The following KCNQ1 variants were observed in gnomAD, a reference collection of about 807,000 sequenced individuals.
KCNQ1 encodes the protein potassium voltage-gated channel subfamily KQT member 1.
In KCNQ1, 49 loss-of-function variants were observed where a neutral mutation model predicts 72.4. The observed-to-expected ratio is 0.68, with a 90% CI of 0.54 to 0.86. The LOEUF is 0.86. Ranked by LOEUF, KCNQ1 falls within the 40% of genes least tolerant of loss-of-function variation. KCNQ1 has a pLI of 0.00. For synonymous variants in KCNQ1, 450 were observed against 412.6 expected (o/e 1.09, Z -1.10); for missense variants, 790 against 945.1 (o/e 0.84, Z 2.15).
chr11:2,510,749 A>C (rs1847186619), intron 1 of KCNQ1, among the ~76,000 whole-genome samples: 1 of 152,122 alleles, frequency 6.6e-6, no homozygotes, highest in Non-Finnish European at 1.5e-5. Context: ...TTAGCAGCAG[A>C]TTCTAGGCCA....
chr11:2,693,743 C>G lies in KCNQ1; in HGVS notation c.1514+31662C>G, dbSNP rs190171684. The G allele has an allele frequency of 1.2e-3, 478 of 398,726 alleles. 3 individuals carry two copies. The highest frequency in any genetic ancestry group is 9.1e-3 in the African/African-American group (446 of 48,762). The allele number at this position is 398,726 out of a possible 1,614,324, so 24.7% of individuals were successfully genotyped here. On this transcript the variant is annotated intron_variant, in intron 11 of 15. Coordinates refer to ENST00000155840, the MANE Select transcript of KCNQ1 (RefSeq NM_000218.3). Reference sequence around the variant, plus strand: ...GGTGTGACTGGAACCCTGGGTTATACAGGCTCCTGCCAGTAACCTGGACAT... The same window carrying G: ...GGTGTGACTGGAACCCTGGGTTATAGAGGCTCCTGCCAGTAACCTGGACAT...
rs1846543956 is a variant in KCNQ1, at chr11:2,768,919, G to C, written c.1590G>C (p.Gln530His). The change falls in exon 12 of 16, where the codon CAG (glutamine) becomes CAC (histidine). Residue 530 changes from glutamine (Q) to histidine (H), a missense_variant and splice_region_variant. By Grantham distance (24) the Gln-to-His change is conservative. Transcript: ENST00000155840. The surrounding 1 kb of genome is among the most constrained non-coding windows in gnomAD (Gnocchi z 6.7). Reference sequence around the variant, plus strand: ...ACTTTGTGGCCAAGAAGAAATTCCAGGTAAGCCCTGTGCTGAGCCTTCCTG... The same window carrying C: ...ACTTTGTGGCCAAGAAGAAATTCCACGTAAGCCCTGTGCTGAGCCTTCCTG... ...MQYFVAKKKF[Q>H]QARKPYDVRD... 1.2e-6 allele frequency: 2 copies of C among 1,612,984 alleles called. No homozygotes were observed. The highest frequency in any genetic ancestry group is 2.7e-5 in the African/African-American group (2 of 74,862).
rs1849818159 is a variant in KCNQ1, at chr11:2,654,932, CAGG to C, written c.1394-7026_1394-7024del. On this transcript the variant is annotated intron_variant, in intron 10 of 15. Coordinates refer to ENST00000155840, the MANE Select transcript of KCNQ1 (RefSeq NM_000218.3). This position sits in a 1 kb window ranked among gnomAD's most constrained non-coding sequence, Gnocchi z 6.4. The stretch of plus-strand genomic sequence containing the variant: ...TGGGCCAGAGAGCAAGGCACAGATA[CAGG>C]AGACTTCCACAAATTATTGTTTCTT... 1 of 398,446 alleles carries C rather than the reference CAGG, an allele frequency of 2.5e-6. No individual in the cohort carries two copies. The highest frequency in any genetic ancestry group is 2.1e-5 in the African/African-American group (1 of 48,590). 24.7% of individuals were successfully genotyped at this position (398,446 alleles called of 1,614,324 possible).
rs779383393 is a variant in KCNQ1 at position 2,585,230 on chromosome 11, T to C, written c.1051T>C (p.Phe351Leu). The change falls in exon 8 of 16, where the codon TTT becomes CTT. Residue 351 changes from phenylalanine (F) to leucine (L), a missense_variant. Phe to Leu is a conservative substitution (Grantham distance 22, BLOSUM62 0). Transcript: ENST00000155840. Reference protein sequence around the residue: ...ALPAGILGSGFALKVQQKQRQ... With the variant: ...ALPAGILGSGLALKVQQKQRQ... ...TTCCCAGGGGATTCTTGGCTCGGGGTTTGCCCTGAAGGTGCAGCAGAAGCA... is the reference window on the plus strand; with the variant it reads ...TTCCCAGGGGATTCTTGGCTCGGGGCTTGCCCTGAAGGTGCAGCAGAAGCA... 1.2e-6 allele frequency: 2 copies of C among 1,613,930 alleles called. No individual in the cohort carries two copies. The highest frequency in any genetic ancestry group is 2.2e-5 in the South Asian group (2 of 91,078).
rs151119117 is a variant in KCNQ1, at chr11:2,792,462, C to T, written c.1794+14425C>T. Among the ~76,000 whole-genome samples the T allele has an allele frequency of 5.2e-4, 79 of 152,272 alleles. No homozygotes were observed. The East Asian group carries it at 0.014, about 27-fold the overall frequency. ...GAAAGCGCCAGGTGGATAGGAGGGA[C>T]GGGGCCGTGACCCCTCCCTCTGCCC... On this transcript the variant is annotated intron_variant, in intron 15 of 15. Coordinates refer to ENST00000155840, the MANE Select transcript of KCNQ1 (RefSeq NM_000218.3).
chr11:2,738,157 G>A (rs529111018), intron 11 of KCNQ1, among the ~76,000 whole-genome samples: 1 of 152,244 alleles, frequency 6.6e-6, no homozygotes, highest in East Asian at 1.9e-4. Flanking sequence ...ATGGTGGGGA[G>A]GGAGGAGAGA....
intron 8 of KCNQ1, 63 bp downstream of exon 8, chr11:2,585,370 C>T (rs780123193): frequency 1.3e-5 from 18 of 1,411,494 alleles, no homozygotes; most frequent in Non-Finnish European, 1.8e-5. Context: ...GCATCCAGCC[C>T]TCACGGCCAC....
intron 1 of KCNQ1, among the ~76,000 whole-genome samples, chr11:2,480,652 T>G (rs114226912): frequency 8.8e-4 from 134 of 152,292 alleles, no homozygotes; most frequent in African/African-American, 3.2e-3. Flanking sequence ...CAGAGTTGAA[T>G]CCTGTCTGGG....
intron 11 of KCNQ1, chr11:2,684,659 T>C: frequency 2.5e-6 from 1 of 398,642 alleles, no homozygotes; most frequent in Non-Finnish European, 4.4e-6. Context: ...AAGAAAGGCT[T>C]GTTGGATGTG....
At position 2,652,748 on chromosome 11, in the gene KCNQ1, GCT is replaced by G. The variant is rs535148092; in HGVS notation, c.1394-9210_1394-9209del. 7 of 398,798 alleles carry G rather than the reference GCT, an allele frequency of 1.8e-5. No individual in the cohort carries two copies. The highest frequency in any genetic ancestry group is 4.4e-5 in the Admixed American group (1 of 22,716). 24.7% of individuals were successfully genotyped at this position (398,798 alleles called of 1,614,324 possible). Reference sequence around the variant, plus strand: ...CACGCTCAGGGTTGACCCTGTCCTGGCTCTGTCACTGCCTGTCTTCCTCAGCG... The same window carrying G: ...CACGCTCAGGGTTGACCCTGTCCTGGCTGTCACTGCCTGTCTTCCTCAGCG... On this transcript the variant is annotated intron_variant, in intron 10 of 15. Transcript: ENST00000155840. The surrounding 1 kb of genome is among the most constrained non-coding windows in gnomAD (Gnocchi z 5.9).
intron 11 of KCNQ1, among the ~76,000 whole-genome samples, chr11:2,753,332 G>A (rs185124291): frequency 2.0e-5 from 3 of 152,282 alleles, no homozygotes; most frequent in East Asian, 1.9e-4. Context: ...AGAGGCCTCC[G>A]TGTCTGCCCA....
intron 10 of KCNQ1, chr11:2,619,916 T>C: frequency 2.5e-6 from 1 of 398,394 alleles, no homozygotes; most frequent in Non-Finnish European, 4.4e-6. Context: ...GCATGGTATA[T>C]GGAGTATACT....
intron 1 of KCNQ1, among the ~76,000 whole-genome samples, chr11:2,453,144 C>G (rs945006152): frequency 6.6e-6 from 1 of 152,222 alleles, no homozygotes; most frequent in South Asian, 2.1e-4. Flanking sequence ...GAGGCCAAGG[C>G]GGGCGGATCA....
chr11:2,659,088 G>T lies in KCNQ1; in HGVS notation c.1394-2873G>T. 2.5e-6 allele frequency: 1 copy of T among 398,552 alleles called. No individual in the cohort carries two copies. Among genetic ancestry groups the T allele is most frequent in the African/African-American group, 2.1e-5 (1 of 48,722 alleles). The allele number at this position is 398,552 out of a possible 1,614,324, so 24.7% of individuals were successfully genotyped here. A position where few individuals can be genotyped will look rare whatever the true frequency, so the allele number is the denominator to read the frequency against. ...TCATCATAGTCTGCTTTTCATCGTA[G>T]GGTCCTCCAACATCCGGGTTAATTT... On this transcript the variant is annotated intron_variant, in intron 10 of 15. Transcript: ENST00000155840. This position sits in a 1 kb window ranked among gnomAD's most constrained non-coding sequence, Gnocchi z 4.3.
At chr11:2,795,601 G>A (rs919617301) in intron 15 of KCNQ1, among the ~76,000 whole-genome samples, 1 of 152,180 alleles carries the variant, frequency 6.6e-6, no homozygotes, top group Non-Finnish European at 1.5e-5. Flanking sequence ...GGGCTCACCT[G>A]GGGTTTGGCC....
intron 3 of KCNQ1, 149 bp downstream of exon 3, chr11:2,570,903 C>T: frequency 3.7e-6 from 4 of 1,084,704 alleles, no homozygotes; most frequent in Admixed American, 3.9e-5. Context: ...AGCACAGGAG[C>T]ATTGGCAGCC....
At chr11:2,476,434 A>G (rs952219081) in intron 1 of KCNQ1, among the ~76,000 whole-genome samples, 3 of 152,240 alleles carry the variant, frequency 2.0e-5, no homozygotes, top group Non-Finnish European at 2.9e-5. Flanking sequence ...ATTTATAGCT[A>G]CAGGCATTTT....
At position 2,495,734 on chromosome 11, in the gene KCNQ1, G is replaced by C. The variant is rs1269320161; in HGVS notation, c.387-32194G>C. ...TTATGATTTCCATTCTTTGGCATTT[G>C]CTGAGGAGTGTTTTACTTCCAGTTA... is the stretch of plus-strand genomic sequence containing the variant. On this transcript the variant is annotated intron_variant, in intron 1 of 15. Coordinates refer to ENST00000155840, the MANE Select transcript of KCNQ1 (RefSeq NM_000218.3). The surrounding 1 kb of genome is among the most constrained non-coding windows in gnomAD (Gnocchi z 4.6). 6.6e-6 allele frequency among the ~76,000 whole-genome samples: 1 copy of C among 152,168 alleles called. No homozygotes were observed. Among genetic ancestry groups the C allele is most frequent in the Admixed American group, 6.5e-5 (1 of 15,280 alleles).
In KCNQ1 at chr11:2,724,109, A is replaced by G. The variant is rs549176083; in HGVS notation, c.1515-44735A>G. 6.6e-6 allele frequency among the ~76,000 whole-genome samples: 1 copy of G among 152,200 alleles called. No homozygotes were observed. Among genetic ancestry groups the G allele is most frequent in the East Asian group, 1.9e-4 (1 of 5,168 alleles). On this transcript the variant is annotated intron_variant, in intron 11 of 15. Transcript: ENST00000155840. This position sits in a 1 kb window ranked among gnomAD's most constrained non-coding sequence, Gnocchi z 6.8. ...GGGCCCAGGCTTTTGATAGAGAATC[A>G]CATCTGGACCAGGACGTTCTGGTAA... is the stretch of plus-strand genomic sequence containing the variant.
Sources: allele counts gnomAD v4.1 joint callset (sites outside exome capture counted in the v4.1 genomes callset), GRCh38; gene constraint gnomAD v4.1.1; non-coding constraint Gnocchi (gnomAD v3.1); transcripts MANE v1.5; gene names NCBI Gene and HGNC (gene_info 2026-07-23, HGNC 2026-07-21).